BET1: variants seen among roughly 807,000 people sequenced by gnomAD.
BET1 encodes Bet1 golgi vesicular membrane trafficking protein.
A neutral mutation model predicts 13.9 loss-of-function variants in BET1; 9 were observed. The observed-to-expected ratio is 0.65, with a 90% CI of 0.39 to 1.13. BET1 has a LOEUF of 1.13. Among genes scored for constraint, BET1 ranks in the 50% most tolerant of loss-of-function variants. BET1 has a pLI of 0.01. For missense variants in BET1, 127 were observed against 133.6 expected, an observed-to-expected ratio of 0.95 and a Z score of 0.24; for synonymous variants, 39 against 47.3, an observed-to-expected ratio of 0.82 and a Z score of 0.72.
chr7:93,979,197 G>A (rs1210512411), intron 4 of BET1, among the ~76,000 whole-genome samples: 2 of 152,218 alleles, frequency 1.3e-5, no homozygotes, highest in Admixed American at 6.5e-5. Flanking sequence ...TCTGGAGTGG[G>A]AAGGGATACA....
chr7:93,963,350 C>G (rs766585496), exon 7 of BET1: 9 of 151,898 alleles, frequency 5.9e-5, no homozygotes, highest in Non-Finnish European at 5.9e-5. Flanking sequence ...GAGAAGAAAA[C>G]TAATACTGTA....
chr7:93,999,511 C>A (rs1037530675), intron 1 of BET1: 24 of 521,446 alleles, frequency 4.6e-5, no homozygotes, highest in South Asian at 4.5e-4. Flanking sequence ...CAGTTCAGTT[C>A]ATTTTGATAC....
Position 94,004,337 on chromosome 7 carries a change from A to G in BET1, c.-121T>C. 1.5e-6 allele frequency: 2 copies of G among 1,375,552 alleles called. No homozygotes were observed. Among genetic ancestry groups the G allele is most frequent in the South Asian group, 1.2e-5 (1 of 85,172 alleles). 85.2% of individuals were successfully genotyped at this position (1,375,552 alleles called of 1,614,324 possible). ...CAGCGAAACACCAACTTCTTCCCCT[A>G]AAGCGCCACGACATCAGTGGAGTCT... On this transcript the variant is annotated 5_prime_UTR_variant, in exon 1 of 4. Coordinates refer to ENST00000222547, the MANE Select transcript of BET1 (RefSeq NM_005868.6).
At chr7:93,989,913 G>A (rs1795598356), downstream of BET1, among the ~76,000 whole-genome samples, 1 of 152,128 alleles carries the variant, frequency 6.6e-6, no homozygotes, top group Non-Finnish European at 1.5e-5. Context: ...CCATTCAGAA[G>A]TTTGTCTTTC....
chr7:93,999,057 A>C, intron 2 of BET1, 113 bp downstream of exon 2: 2 of 841,698 alleles, frequency 2.4e-6, no homozygotes. Flanking sequence ...ACAAAACCAC[A>C]GTATCTGAGT....
intron 6 of BET1, among the ~76,000 whole-genome samples, chr7:93,966,913 AT>A (rs1349492686): frequency 1.3e-5 from 2 of 151,944 alleles, no homozygotes; most frequent in East Asian, 3.9e-4. Flanking sequence ...CCTAAATGAG[AT>A]GTTTCTTATG....
At chr7:93,982,030 C>T (rs2116068996) in intron 4 of BET1, among the ~76,000 whole-genome samples, 1 of 152,250 alleles carries the variant, frequency 6.6e-6, no homozygotes, top group South Asian at 2.1e-4. Flanking sequence ...AAGCTACTCC[C>T]TCATCCCACC....
chr7:94,001,101 A>G (rs1795895298), intron 1 of BET1, among the ~76,000 whole-genome samples: 1 of 152,248 alleles, frequency 6.6e-6, no homozygotes, highest in Non-Finnish European at 1.5e-5. Flanking sequence ...AAGGCACAAT[A>G]GAAATTTCAT....
intron 6 of BET1, chr7:93,969,451 C>G (rs1480222020): frequency 6.6e-6 from 1 of 151,816 alleles, no homozygotes; most frequent in East Asian, 1.9e-4. Flanking sequence ...CACTCTCAAA[C>G]TATCAATTTA....
intron 1 of BET1, chr7:93,999,740 T>C (rs1429440689): frequency 2.2e-6 from 1 of 455,646 alleles, no homozygotes; most frequent in Admixed American, 2.4e-5. Context: ...GAGGGTTCTT[T>C]ACTGGCATCT....
At chr7:93,977,467 A>T (rs184619363) in intron 4 of BET1, among the ~76,000 whole-genome samples, 2 of 152,322 alleles carry the variant, frequency 1.3e-5, no homozygotes, top group East Asian at 3.9e-4. Context: ...AAGTGAAACT[A>T]ATTTGAGAAA....
intron 6 of BET1, among the ~76,000 whole-genome samples, chr7:93,969,216 A>G (rs777011111): frequency 4.6e-5 from 7 of 151,856 alleles, no homozygotes; most frequent in East Asian, 1.9e-4. Context: ...CTTGGGTCCA[A>G]GGAAATGCTC....
In BET1 at chr7:93,968,196, G is replaced by C. The variant is rs559779843; in HGVS notation, c.*138-2509C>G. On this transcript the variant is annotated intron_variant and NMD_transcript_variant, in intron 6 of 6. Transcript: ENST00000357520. ...CTAACCAAATATAATGTATTAATAA[G>C]TCTTCAATTATTTTTAGAAAGAATT... 7.2e-5 allele frequency among the ~76,000 whole-genome samples: 11 copies of C among 151,800 alleles called. No individual in the cohort carries two copies. The East Asian group carries it at 1.6e-3, about 21-fold the overall frequency.
intron 1 of BET1, chr7:94,000,394 T>A (rs1413069614): frequency 6.6e-6 from 1 of 151,888 alleles, no homozygotes. Context: ...ATTACAGGCG[T>A]GAACTTTTTT....
At chr7:93,999,985 TATAGTACTTC>T (rs1203025256) in intron 1 of BET1, among the ~76,000 whole-genome samples, 1 of 152,178 alleles carries the variant, frequency 6.6e-6, no homozygotes, top group Non-Finnish European at 1.5e-5. Context: ...CCCTGCCTAA[TATAGTACTTC>T]ATAGTCATCA....
chr7:93,990,263 C>T (rs974062350), downstream of BET1, among the ~76,000 whole-genome samples: 2 of 151,934 alleles, frequency 1.3e-5, no homozygotes, highest in African/African-American at 2.4e-5. Flanking sequence ...AAAAATAAGA[C>T]ACTTTATCTT....
chr7:94,000,118 T>C (rs1346375090), intron 1 of BET1, among the ~76,000 whole-genome samples: 1 of 151,630 alleles, frequency 6.6e-6, no homozygotes, highest in Non-Finnish European at 1.5e-5. Context: ...TTTTTTTTTT[T>C]TTTTGAGGTG....
chr7:94,002,657 G>A (rs1194103109), intron 1 of BET1, among the ~76,000 whole-genome samples: 2 of 152,050 alleles, frequency 1.3e-5, no homozygotes, highest in African/African-American at 4.8e-5. Context: ...ATGGCACACT[G>A]CAGCAGGAAA....
chr7:93,978,478 G>A (rs1027823256), intron 4 of BET1, among the ~76,000 whole-genome samples: 3 of 151,958 alleles, frequency 2.0e-5, no homozygotes, highest in Non-Finnish European at 2.9e-5. Flanking sequence ...TATTGCCCAC[G>A]TTTCATTTCC....
Sources: allele counts gnomAD v4.1 joint callset (sites outside exome capture counted in the v4.1 genomes callset), GRCh38; gene constraint gnomAD v4.1.1; transcripts MANE v1.5; gene names NCBI Gene and HGNC (gene_info 2026-07-23, HGNC 2026-07-21).